KHDRBS2: variants seen among roughly 807,000 people sequenced by gnomAD.
KHDRBS2 encodes KH domain-containing, RNA-binding, signal transduction-associated protein 2.
Under a neutral mutation model 44.3 loss-of-function variants are expected in KHDRBS2, and 26 were observed. That is an observed-to-expected ratio of 0.59 (90% CI 0.43 to 0.81). KHDRBS2 has a LOEUF of 0.81. Ranked by LOEUF, KHDRBS2 falls within the 40% of genes least tolerant of loss-of-function variation. The pLI, the probability that KHDRBS2 is intolerant of heterozygous loss-of-function variation, is 0.00. For missense variants in KHDRBS2, 476 were observed against 433.1 expected, an observed-to-expected ratio of 1.10 and a Z score of -0.88; for synonymous variants, 194 against 151.1, an observed-to-expected ratio of 1.28 and a Z score of -2.08.
At chr6:61,877,924 A>G (rs748440466) in intron 6 of KHDRBS2, among the ~76,000 whole-genome samples, 4 of 151,970 alleles carry the variant, frequency 2.6e-5, no homozygotes, top group Non-Finnish European at 5.9e-5. Context: ...TGAAGATTTT[A>G]TCATTATGTG....
intron 4 of KHDRBS2, among the ~76,000 whole-genome samples, chr6:61,970,402 C>T (rs577282001): frequency 1.3e-4 from 19 of 151,904 alleles, no homozygotes; most frequent in African/African-American, 4.3e-4. Flanking sequence ...AAAAGAGCAA[C>T]ACCTGAGCAT....
At chr6:61,620,312 G>A in the KHDRBS2 span, among the ~76,000 whole-genome samples, 32 of 151,588 alleles carry the variant, frequency 2.1e-4, no homozygotes, top group Non-Finnish European at 2.5e-4. Flanking sequence ...TATTTCATTA[G>A]TAGTATTATT....
intron 8 of KHDRBS2, among the ~76,000 whole-genome samples, chr6:61,690,364 G>A (rs1448553258): frequency 6.6e-6 from 1 of 151,766 alleles, no homozygotes; most frequent in East Asian, 1.9e-4. Context: ...CATCCCAAGA[G>A]TTCGACAATA....
chr6:61,566,065 C>T, the KHDRBS2 span, among the ~76,000 whole-genome samples: 2 of 150,720 alleles, frequency 1.3e-5, no homozygotes, highest in African/African-American at 2.4e-5. Context: ...TGCAGCCATA[C>T]AAAAAAAATC....
chr6:62,096,672 TTTAA>T (rs779486695), intron 2 of KHDRBS2, among the ~76,000 whole-genome samples: 3 of 151,886 alleles, frequency 2.0e-5, no homozygotes, highest in Non-Finnish European at 4.4e-5. Flanking sequence ...CGGGTTTTCA[TTTAA>T]TTGATTTTTT....
the KHDRBS2 span, among the ~76,000 whole-genome samples, chr6:61,614,913 T>C: frequency 0.59 from 89,423 of 151,704 alleles, 26,575 homozygotes; most frequent in African/African-American, 0.61. Context: ...TCATAATATA[T>C]TTCACATGTT....
intron 6 of KHDRBS2, among the ~76,000 whole-genome samples, chr6:61,833,066 T>TTAAATTAGCAATTAAATTAAACAAAACTA (rs1792096117): frequency 6.6e-6 from 1 of 152,242 alleles, no homozygotes; most frequent in African/African-American, 2.4e-5. Flanking sequence ...TTTAGCAATT[T>TTAAATTAGCAATTAAATTAAACAAAACTA]AGTTTTGTTA....
At chr6:62,187,565 TTATTA>T (rs1388672303) in intron 1 of KHDRBS2, among the ~76,000 whole-genome samples, 1 of 152,164 alleles carries the variant, frequency 6.6e-6, no homozygotes, top group Non-Finnish European at 1.5e-5. Flanking sequence ...CATATTTTTA[TTATTA>T]TATTTTGATG....
the KHDRBS2 span, among the ~76,000 whole-genome samples, chr6:61,559,453 A>G: frequency 6.6e-6 from 1 of 151,892 alleles, no homozygotes; most frequent in Non-Finnish European, 1.5e-5. Context: ...TACACCTACA[A>G]TTTTGTCATT....
intron 6 of KHDRBS2, among the ~76,000 whole-genome samples, chr6:61,758,124 C>T (rs1469016831): frequency 6.6e-6 from 1 of 152,072 alleles, no homozygotes; most frequent in African/African-American, 2.4e-5. Context: ...CCAAGCTTTA[C>T]CTGGGTTCCT....
intron 2 of KHDRBS2, among the ~76,000 whole-genome samples, chr6:62,056,848 T>C (rs1439640905): frequency 6.6e-6 from 1 of 151,962 alleles, no homozygotes; most frequent in Admixed American, 6.6e-5. Flanking sequence ...AGAATAAATA[T>C]GTGGTACTTA....
intron 8 of KHDRBS2, among the ~76,000 whole-genome samples, chr6:61,682,656 T>C (rs1766430665): frequency 6.6e-6 from 1 of 151,944 alleles, no homozygotes; most frequent in Non-Finnish European, 1.5e-5. Context: ...ATTTATACTC[T>C]GGGCTTTTAC....
the KHDRBS2 span, among the ~76,000 whole-genome samples, chr6:61,591,205 T>A: frequency 6.6e-6 from 1 of 152,140 alleles, no homozygotes; most frequent in Non-Finnish European, 1.5e-5. Context: ...AGTTTTCCCA[T>A]AAAATTATCA....
intron 2 of KHDRBS2, among the ~76,000 whole-genome samples, chr6:62,170,762 G>T (rs2150119076): frequency 6.6e-6 from 1 of 152,058 alleles, no homozygotes; most frequent in African/African-American, 2.4e-5. Flanking sequence ...AGCACAGCAG[G>T]TTCCTAAACC....
At chr6:62,055,545 T>G (rs1267289075) in intron 2 of KHDRBS2, among the ~76,000 whole-genome samples, 5 of 152,040 alleles carry the variant, frequency 3.3e-5, no homozygotes, top group African/African-American at 1.2e-4. Context: ...ATTTACCTTA[T>G]GCCTCAGCAA....
At chr6:61,870,468 C>T (rs1335306631) in intron 6 of KHDRBS2, among the ~76,000 whole-genome samples, 2 of 152,178 alleles carry the variant, frequency 1.3e-5, no homozygotes, top group Non-Finnish European at 2.9e-5. Flanking sequence ...GGTGCAGCTT[C>T]AGCAGACTTA....
chr6:62,173,122 A>C (rs1820395585), intron 2 of KHDRBS2, among the ~76,000 whole-genome samples: 1 of 151,856 alleles, frequency 6.6e-6, no homozygotes, highest in Non-Finnish European at 1.5e-5. Context: ...ACATGCAAAA[A>C]ACACAAATGT....
At chr6:61,888,870 C>T (rs1801382080) in intron 6 of KHDRBS2, among the ~76,000 whole-genome samples, 1 of 151,924 alleles carries the variant, frequency 6.6e-6, no homozygotes, top group South Asian at 2.1e-4. Context: ...TGGTACAGAC[C>T]TTTCTTAAGC....
At chr6:62,134,474 T>C (rs1811056582) in intron 2 of KHDRBS2, among the ~76,000 whole-genome samples, 1 of 152,098 alleles carries the variant, frequency 6.6e-6, no homozygotes, top group African/African-American at 2.4e-5. Flanking sequence ...CTTAGGGCAT[T>C]GTGGAAGAGA....
Sources: gnomAD v4.1 joint callset for allele counts (sites outside exome capture counted in the v4.1 genomes callset) on GRCh38, gnomAD v4.1.1 for gene constraint, MANE v1.5 for transcripts, NCBI Gene and HGNC (gene_info 2026-07-23, HGNC 2026-07-21) for gene names.